The following COG2 variants were observed in gnomAD, a reference collection of about 807,000 sequenced individuals.
The protein encoded by COG2 is conserved oligomeric Golgi complex subunit 2.
Under a neutral mutation model 90.6 loss-of-function variants are expected in COG2, and 52 were observed. The observed-to-expected ratio is 0.57, with a 90% CI of 0.46 to 0.72. The LOEUF is 0.72. Ranked by LOEUF, COG2 falls within the 30% of genes least tolerant of loss-of-function variation. COG2 has a pLI of 0.00. For missense variants in COG2, 829 were observed against 891.2 expected, an observed-to-expected ratio of 0.93 and a Z score of 0.89; for synonymous variants, 337 against 320.4, an observed-to-expected ratio of 1.05 and a Z score of -0.55.
Position 230,683,549 on chromosome 1 carries a change from ATTC to A in COG2, c.1167-16_1167-14del, listed in dbSNP as rs5781596. The A allele has an allele frequency of 0.24, 370,419 of 1,562,426 alleles. 50,634 individuals are homozygous for A. Among genetic ancestry groups the A allele is most frequent in the East Asian group, 0.56 (24,825 of 44,464 alleles). ...GCATCTGTCAGAGTCATAAACATTA[ATTC>A]TTCTTCTTGTTTTTATCTCAGATTT... On this transcript the variant is annotated intron_variant, in intron 10 of 17. Coordinates refer to ENST00000366669, the MANE Select transcript of COG2 (RefSeq NM_007357.3).
rs1662447043 is a variant in COG2 at position 230,671,519 on chromosome 1, A to G, written c.778A>G (p.Ile260Val). Residue 260 changes from isoleucine to valine, a missense_variant, in exon 8 of 18, where the codon ATT becomes GTT. Coordinates refer to ENST00000366669, the MANE Select transcript of COG2 (RefSeq NM_007357.3). ...VLVKPYIDEV[I>V]IEQFVESHPN... ...AAAATGATTTTTCTTTTAATAGGTG[A>G]TTATAGAGCAGTTTGTTGAATCTCA... The G allele has an allele frequency of 6.2e-7, 1 of 1,608,780 alleles. No individual in the cohort carries two copies. The highest frequency in any genetic ancestry group is 8.5e-7 in the Non-Finnish European group (1 of 1,177,884).
intron 1 of COG2, among the ~76,000 whole-genome samples, chr1:230,654,906 T>C (rs1469474550): frequency 1.3e-5 from 2 of 152,180 alleles, no homozygotes; most frequent in Non-Finnish European, 2.9e-5. Context: ...TTGTCTGTTA[T>C]TGGTGTATAG....
At chr1:230,677,712 T>C (rs934497447) in intron 9 of COG2, among the ~76,000 whole-genome samples, 4 of 152,192 alleles carry the variant, frequency 2.6e-5, no homozygotes, top group Admixed American at 6.5e-5. Flanking sequence ...AGCTCAGAAA[T>C]GAACCTTTCT....
intron 1 of COG2, among the ~76,000 whole-genome samples, chr1:230,651,837 C>G (rs1661921351): frequency 6.6e-6 from 1 of 152,026 alleles, no homozygotes; most frequent in Admixed American, 6.6e-5. Flanking sequence ...GTTTATCTAC[C>G]TTAGTATTTT....
chr1:230,652,794 T>TC (rs1661945521), intron 1 of COG2, among the ~76,000 whole-genome samples: 1 of 152,250 alleles, frequency 6.6e-6, no homozygotes, highest in Non-Finnish European at 1.5e-5. Flanking sequence ...GAGCATTTTT[T>TC]CAGATCTTTC....
In COG2 at chr1:230,660,794, C is replaced by G; in HGVS notation, c.271C>G (p.Pro91Ala). The stretch of plus-strand genomic sequence containing the variant: ...CAAAGCCCTCAACCAGCTTTCTGTG[C>G]CTTTGGGACAATTACGAGAAGAGGT... ...MDKALNQLSV[P>A]LGQLREEVLS... Residue 91 changes from proline to alanine, a missense_variant, in exon 3 of 18, where the codon CCT (proline) becomes GCT (alanine). Coordinates refer to ENST00000366669, the MANE Select transcript of COG2 (RefSeq NM_007357.3). 2 of 1,585,612 alleles carry G rather than the reference C, an allele frequency of 1.3e-6. No homozygotes were observed. Among genetic ancestry groups the G allele is most frequent in the African/African-American group, 2.7e-5 (2 of 73,174 alleles).
rs548888883 is a variant in COG2 at position 230,672,821 on chromosome 1, A to G, written c.899+1181A>G. Among the ~76,000 whole-genome samples, 4 of 152,222 alleles carry G rather than the reference A, an allele frequency of 2.6e-5. No individual in the cohort carries two copies. The South Asian group carries it at 8.3e-4, about 32-fold the overall frequency. On this transcript the variant is annotated intron_variant, in intron 8 of 17. Coordinates refer to ENST00000366669, the MANE Select transcript of COG2 (RefSeq NM_007357.3). ...CACACCTTCCCCTGCCTCTTGACAC[A>G]GTGTCTTAGAGCTAGCAGCTGCCCA... is the stretch of plus-strand genomic sequence containing the variant.
chr1:230,686,559 G>C (rs1662889151), intron 12 of COG2, among the ~76,000 whole-genome samples: 1 of 152,034 alleles, frequency 6.6e-6, no homozygotes, highest in Admixed American at 6.6e-5. Flanking sequence ...TTTTACCCTT[G>C]TTAATTATAA....
At chr1:230,665,665 A>T (rs1662302121) in intron 5 of COG2, among the ~76,000 whole-genome samples, 1 of 152,196 alleles carries the variant, frequency 6.6e-6, no homozygotes, top group African/African-American at 2.4e-5. Flanking sequence ...TGTATAAATA[A>T]GTGGTCAATC....
chr1:230,644,313 T>A (rs545184657), intron 1 of COG2, among the ~76,000 whole-genome samples: 1 of 152,344 alleles, frequency 6.6e-6, no homozygotes, highest in Non-Finnish European at 1.5e-5. Flanking sequence ...ATTTTGTTGA[T>A]TTTTTAGGTG....
chr1:230,685,875 C>CA (rs1282847971), intron 12 of COG2, among the ~76,000 whole-genome samples: 1 of 152,140 alleles, frequency 6.6e-6, no homozygotes, highest in Non-Finnish European at 1.5e-5. Context: ...GCGTGAGTAA[C>CA]AGACACTCAG....
At chr1:230,673,319 C>CCGCT (rs1171068913) in intron 8 of COG2, among the ~76,000 whole-genome samples, 1 of 152,194 alleles carries the variant, frequency 6.6e-6, no homozygotes, top group East Asian at 1.9e-4. Flanking sequence ...CACTGTGTTG[C>CCGCT]AGGTTCTGCA....
chr1:230,678,314 T>G (rs917130530), intron 9 of COG2: 1 of 985,314 alleles, frequency 1.0e-6, no homozygotes, highest in Non-Finnish European at 1.2e-6. Context: ...GGGATGATGA[T>G]GATGATGATG....
intron 8 of COG2, among the ~76,000 whole-genome samples, chr1:230,672,921 G>A (rs939941042): frequency 6.6e-6 from 1 of 152,176 alleles, no homozygotes; most frequent in African/African-American, 2.4e-5. Flanking sequence ...TTTTCATGGA[G>A]CAAGCAATGT....
chr1:230,642,834 C>T, intron 1 of COG2, 156 bp downstream of exon 1: 1 of 683,174 alleles, frequency 1.5e-6, no homozygotes, highest in South Asian at 2.0e-5. Flanking sequence ...AGTCTTTTGG[C>T]GTCAGGTTTG....
chr1:230,673,500 T>A (rs1171926687), intron 8 of COG2, among the ~76,000 whole-genome samples: 2 of 152,266 alleles, frequency 1.3e-5, no homozygotes, highest in Non-Finnish European at 2.9e-5. Flanking sequence ...TTCTAATCCA[T>A]CAACTGTTAA....
chr1:230,691,197 A>G (rs976438013), intron 16 of COG2, among the ~76,000 whole-genome samples, 187 bp from the exon 17 acceptor site: 49 of 152,218 alleles, frequency 3.2e-4, no homozygotes, highest in African/African-American at 1.2e-3. Context: ...ACGTATATAC[A>G]TGTATATATA....
intron 1 of COG2, among the ~76,000 whole-genome samples, chr1:230,656,884 G>T (rs370767187): frequency 6.6e-6 from 1 of 152,122 alleles, no homozygotes; most frequent in Non-Finnish European, 1.5e-5. Flanking sequence ...CAGAGATTAG[G>T]ATTGCAACTC....
At chr1:230,684,854 C>T (rs1165966177) in intron 11 of COG2, among the ~76,000 whole-genome samples, 3 of 152,134 alleles carry the variant, frequency 2.0e-5, no homozygotes, top group Non-Finnish European at 4.4e-5. Context: ...TATCCAAACA[C>T]CTGGGAGATA....
Sources: gnomAD v4.1 joint callset for allele counts (sites outside exome capture counted in the v4.1 genomes callset) on GRCh38, gnomAD v4.1.1 for gene constraint, MANE v1.5 for transcripts, NCBI Gene and HGNC (gene_info 2026-07-23, HGNC 2026-07-21) for gene names.